The following SLC1A1 variants were observed in gnomAD, a reference collection of about 807,000 sequenced individuals.
SLC1A1 encodes solute carrier family 1 member 1.
SLC1A1 carries 43 observed loss-of-function variants against 53.3 expected under a neutral mutation model. The ratio of observed to expected loss-of-function variants is 0.81; its 90% CI spans 0.63 to 1.04. The LOEUF (loss-of-function observed/expected upper bound fraction) is 1.04. SLC1A1 is among the 50% of genes least tolerant of loss of function. The pLI, the probability that SLC1A1 is intolerant of heterozygous loss-of-function variation, is 0.00. For missense variants in SLC1A1, 748 were observed against 664.9 expected, an observed-to-expected ratio of 1.12 and a Z score of -1.37; for synonymous variants, 307 against 243.2, an observed-to-expected ratio of 1.26 and a Z score of -2.44.
At chr9:4,568,884 A>T (rs1054506068) in intron 6 of SLC1A1, among the ~76,000 whole-genome samples, 2 of 152,144 alleles carry the variant, frequency 1.3e-5, no homozygotes, top group Non-Finnish European at 2.9e-5. Flanking sequence ...TCTATATGAA[A>T]CAAGGTGTCT....
intron 1 of SLC1A1, among the ~76,000 whole-genome samples, chr9:4,519,661 A>G: frequency 6.6e-6 from 1 of 152,244 alleles, no homozygotes; most frequent in East Asian, 1.9e-4. Flanking sequence ...CAGGACAGCC[A>G]TATGACATAG....
At chr9:4,514,473 A>T (rs755281183) in intron 1 of SLC1A1, among the ~76,000 whole-genome samples, 4 of 152,180 alleles carry the variant, frequency 2.6e-5, no homozygotes, top group Non-Finnish European at 5.9e-5. Flanking sequence ...TGGCTTGGGG[A>T]CGCACATGTC....
chr9:4,570,299 A>T (rs1819903720), intron 6 of SLC1A1, among the ~76,000 whole-genome samples: 1 of 152,154 alleles, frequency 6.6e-6, no homozygotes, highest in Non-Finnish European at 1.5e-5. Context: ...CCAGTGCAGT[A>T]ATACTCTAGC....
chr9:4,491,850 T>C (rs1414006502), intron 1 of SLC1A1, among the ~76,000 whole-genome samples: 1 of 152,178 alleles, frequency 6.6e-6, no homozygotes, highest in African/African-American at 2.4e-5. Context: ...CAACCTCAGG[T>C]ACCTTCCTCT....
chr9:4,494,610 C>T (rs1441953841), intron 1 of SLC1A1, among the ~76,000 whole-genome samples: 2 of 151,302 alleles, frequency 1.3e-5, no homozygotes, highest in African/African-American at 4.9e-5. Flanking sequence ...TTTTGTGCCC[C>T]ACCGGCTAAT....
intron 7 of SLC1A1, 40 bp from the exon 8 acceptor site, chr9:4,573,867 T>C (rs1820297475): frequency 1.4e-6 from 2 of 1,394,862 alleles, no homozygotes; most frequent in Non-Finnish European, 2.0e-6. Context: ...GAGAAAGCAC[T>C]TGATGACGGA....
intron 2 of SLC1A1, among the ~76,000 whole-genome samples, chr9:4,558,044 T>C (rs1181443498): frequency 6.6e-6 from 1 of 152,028 alleles, no homozygotes; most frequent in Non-Finnish European, 1.5e-5. Context: ...TTTATTGTCA[T>C]CATTATTATT....
chr9:4,514,730 G>C (rs1475252063), intron 1 of SLC1A1, among the ~76,000 whole-genome samples: 1 of 152,124 alleles, frequency 6.6e-6, no homozygotes, highest in African/African-American at 2.4e-5. Context: ...AAGCTGGAGA[G>C]TGACTCCGCC....
At chr9:4,550,391 T>C (rs1157405585) in intron 2 of SLC1A1, among the ~76,000 whole-genome samples, 2 of 152,162 alleles carry the variant, frequency 1.3e-5, no homozygotes, top group East Asian at 3.9e-4. Flanking sequence ...CTACTACTTT[T>C]TGTTGGGAAA....
At chr9:4,561,692 G>A (rs1818959018) in intron 3 of SLC1A1, 151 bp downstream of exon 3, 1 of 700,690 alleles carries the variant, frequency 1.4e-6, no homozygotes, top group Non-Finnish European at 2.6e-6. Flanking sequence ...AGGGGTTTGA[G>A]ACCAGCCTGG....
chr9:4,547,757 AATGTATACAAATTTATATTGTATACAT>A (rs929381563), intron 2 of SLC1A1, among the ~76,000 whole-genome samples: 8 of 151,536 alleles, frequency 5.3e-5, no homozygotes, highest in South Asian at 2.1e-4. Context: ...AAGCAACCTA[AATGTATACAAATTTATATTGTATACAT>A]ATGTATACAA....
chr9:4,527,706 A>G (rs1027787647), intron 1 of SLC1A1, among the ~76,000 whole-genome samples: 11 of 152,136 alleles, frequency 7.2e-5, no homozygotes, highest in Admixed American at 7.2e-4. Flanking sequence ...GCTAATGTCT[A>G]TGCGAACATC....
chr9:4,498,011 G>A (rs1051781209), intron 1 of SLC1A1, among the ~76,000 whole-genome samples: 3 of 152,162 alleles, frequency 2.0e-5, no homozygotes, highest in African/African-American at 7.2e-5. Context: ...ACTGCTGTCT[G>A]GCACTGGCTT....
chr9:4,547,117 C>T (rs570728579), intron 2 of SLC1A1, among the ~76,000 whole-genome samples: 1 of 152,296 alleles, frequency 6.6e-6, no homozygotes, highest in African/African-American at 2.4e-5. Flanking sequence ...CAGTCAATAA[C>T]AAGTGAGTTT....
At chr9:4,533,481 T>C in intron 1 of SLC1A1, among the ~76,000 whole-genome samples, 1 of 152,078 alleles carries the variant, frequency 6.6e-6, no homozygotes. Context: ...CATTACATAA[T>C]GGTAAAGGGA....
chr9:4,490,596 C>T lies in SLC1A1; in HGVS notation c.-84C>T. The T allele has an allele frequency of 8.8e-7, 1 of 1,135,054 alleles. No individual in the cohort carries two copies. 70.3% of individuals were successfully genotyped at this position (1,135,054 alleles called of 1,614,324 possible). On this transcript the variant is annotated 5_prime_UTR_variant, in exon 1 of 12. Coordinates refer to ENST00000262352, the MANE Select transcript of SLC1A1 (RefSeq NM_004170.6). ...TCTCCCCTGTGCACCCGCATCTCGCCGCGCCGCCGAGCAGCCAGCAGTCCC... is the reference window on the plus strand; with the variant it reads ...TCTCCCCTGTGCACCCGCATCTCGCTGCGCCGCCGAGCAGCCAGCAGTCCC...
intron 1 of SLC1A1, among the ~76,000 whole-genome samples, chr9:4,514,792 C>G (rs1821109748): frequency 6.6e-6 from 1 of 152,112 alleles, no homozygotes; most frequent in Non-Finnish European, 1.5e-5. Flanking sequence ...AATGAACTGG[C>G]AGAGACAAGA....
chr9:4,555,540 C>A (rs901867224), intron 2 of SLC1A1, among the ~76,000 whole-genome samples: 3 of 152,180 alleles, frequency 2.0e-5, no homozygotes, highest in Admixed American at 2.0e-4. Context: ...CTCATCAGAG[C>A]CTTCTCCTGA....
intron 1 of SLC1A1, among the ~76,000 whole-genome samples, chr9:4,508,972 G>A (rs559045997): frequency 6.6e-6 from 1 of 152,150 alleles, no homozygotes; most frequent in East Asian, 1.9e-4. Context: ...CTGTTTGAGG[G>A]GGTAATAGAA....
Sources: gnomAD v4.1 joint callset for allele counts (sites outside exome capture counted in the v4.1 genomes callset) on GRCh38, gnomAD v4.1.1 for gene constraint, MANE v1.5 for transcripts, NCBI Gene and HGNC (gene_info 2026-07-23, HGNC 2026-07-21) for gene names.